DNAAF10: variants seen among roughly 807,000 people sequenced by gnomAD.
The protein encoded by DNAAF10 is dynein axonemal assembly factor 10.
A neutral mutation model predicts 43.7 loss-of-function variants in DNAAF10; 28 were observed. That is an observed-to-expected ratio of 0.64 (90% CI 0.48 to 0.88). The LOEUF is 0.88. Among genes scored for constraint, DNAAF10 ranks in the 40% least tolerant of loss-of-function variants. The probability of loss-of-function intolerance (pLI) is 0.00; values close to 1 mark genes in which losing one functional copy is unlikely to be tolerated. For missense variants in DNAAF10, 403 were observed against 439.1 expected, an observed-to-expected ratio of 0.92 and a Z score of 0.73; for synonymous variants, 156 against 157.3, an observed-to-expected ratio of 0.99 and a Z score of 0.06.
At chr2:68,134,860 C>A in intron 6 of DNAAF10, 61 bp from the exon 7 acceptor site, 1 of 1,574,952 alleles carries the variant, frequency 6.3e-7, no homozygotes, top group Non-Finnish European at 8.7e-7. Flanking sequence ...GGAAGAGAAA[C>A]GCTGCAAATA....
intron 1 of DNAAF10, among the ~76,000 whole-genome samples, chr2:68,152,842 T>G (rs1673489824): frequency 6.6e-6 from 1 of 152,212 alleles, no homozygotes; most frequent in African/African-American, 2.4e-5. Context: ...TGGGTGGGTC[T>G]AGTACAGCTT....
intron 7 of DNAAF10, among the ~76,000 whole-genome samples, chr2:68,132,806 T>A (rs985650036): frequency 1.3e-5 from 2 of 152,250 alleles, no homozygotes; most frequent in African/African-American, 2.4e-5. Flanking sequence ...ACTGGACATC[T>A]GTTCTGGTTA....
At chr2:68,152,875 C>G (rs1673490170) in intron 1 of DNAAF10, among the ~76,000 whole-genome samples, 2 of 152,168 alleles carry the variant, frequency 1.3e-5, no homozygotes, top group African/African-American at 4.8e-5. Flanking sequence ...TCCTCCACAT[C>G]CTGGCAATAC....
At chr2:68,153,175 G>A (rs1053167021) in intron 1 of DNAAF10, among the ~76,000 whole-genome samples, 3 of 151,918 alleles carry the variant, frequency 2.0e-5, no homozygotes, top group African/African-American at 4.8e-5. Flanking sequence ...CCTTTGTGTG[G>A]TGCAAAAAAC....
At chr2:68,156,821 G>T (rs889195718) in intron 1 of DNAAF10, 1 of 188,310 alleles carries the variant, frequency 5.3e-6, no homozygotes, top group African/African-American at 2.4e-5. Flanking sequence ...GTGTTCCTTT[G>T]TGTGAGACAA....
chr2:68,130,330 C>G lies in DNAAF10; in HGVS notation c.*908G>C, dbSNP rs1203645458. The G allele has an allele frequency of 6.6e-6, 1 of 151,628 alleles. No individual in the cohort carries two copies. The highest frequency in any genetic ancestry group is 1.5e-5 in the Non-Finnish European group (1 of 67,934). The allele number at this position is 151,628 out of a possible 1,614,324, so 9.4% of individuals were successfully genotyped here. A position where few individuals can be genotyped will look rare whatever the true frequency, so the allele number is the denominator to read the frequency against. On this transcript the variant is annotated 3_prime_UTR_variant, in exon 8 of 8. Coordinates refer to ENST00000295121, the MANE Select transcript of DNAAF10 (RefSeq NM_138458.4). ...TATTTTTAGTAGAGACGGGTTTTGA[C>G]CATGTTGGCCAGGCTGGTCTCGAAT...
chr2:68,141,702 A>G lies in DNAAF10; in HGVS notation c.509T>C (p.Val170Ala). Reference sequence around the variant, plus strand: ...ATTCTTCAATAATTTACCAAATGCCACAGTCCAACAGTCTCTCTTGTTTTC... The same window carrying G: ...ATTCTTCAATAATTTACCAAATGCCGCAGTCCAACAGTCTCTCTTGTTTTC... Reference protein sequence around the residue: ...QGENKRDCWTVAFGNAYNQEE... With the variant: ...QGENKRDCWTAAFGNAYNQEE... The change falls in exon 4 of 8, where the codon GTG becomes GCG. Residue 170 changes from valine (V) to alanine (A), a missense_variant. Val to Ala is a moderately conservative substitution (Grantham distance 64, BLOSUM62 0). Coordinates refer to ENST00000295121, the MANE Select transcript of DNAAF10 (RefSeq NM_138458.4). 6.2e-7 allele frequency: 1 copy of G among 1,611,534 alleles called. No individual in the cohort carries two copies. The highest frequency in any genetic ancestry group is 8.5e-7 in the Non-Finnish European group (1 of 1,179,226).
At position 68,157,367 on chromosome 2, in the gene DNAAF10, CA is replaced by C. The variant is rs1485482412; in HGVS notation, c.76del (p.Trp26GlyfsTer9). The C allele has an allele frequency of 6.2e-7, 1 of 1,614,056 alleles. No homozygotes were observed. Reference protein sequence around the residue: ...GFNYTVFDCKWVPCSAKFVTM... With the variant: ...GFNYTVFDCKXVPCSAKFVTM... Reference sequence around the variant, plus strand: ...CACAAATTTGGCGCTGCAGGGCACCCACTTACAGTCAAACACCGTGTAGTTG... The same window carrying C: ...CACAAATTTGGCGCTGCAGGGCACCCCTTACAGTCAAACACCGTGTAGTTG... On this transcript the variant is annotated frameshift_variant, in exon 1 of 8. Transcript: ENST00000295121. LOFTEE classifies it high-confidence loss of function.
chr2:68,141,722 G>A lies in DNAAF10; in HGVS notation c.489C>T (p.Asn163=), dbSNP rs1486057147. ...VANMEPVQGE[N]KRDCWTVAFG... ...ATGCCACAGTCCAACAGTCTCTCTT[G>A]TTTTCTCCTTGTACAGGTTCCATAT... is the stretch of plus-strand genomic sequence containing the variant. The change falls in exon 4 of 8, where the codon AAC becomes AAT. Residue 163 remains asparagine, a synonymous_variant. Coordinates refer to ENST00000295121, the MANE Select transcript of DNAAF10 (RefSeq NM_138458.4). 2.5e-6 allele frequency: 4 copies of A among 1,613,920 alleles called. No individual in the cohort carries two copies. The highest frequency in any genetic ancestry group is 3.4e-6 in the Non-Finnish European group (4 of 1,179,992).
In DNAAF10 at chr2:68,155,761, G is replaced by A. The variant is rs148709631; in HGVS notation, c.183+1500C>T. ...GAAATTTTACTTTGTGTAGAAATCA[G>A]GAAGGGCATCATACATTAGATAATC... On this transcript the variant is annotated intron_variant, in intron 1 of 7. Coordinates refer to ENST00000295121, the MANE Select transcript of DNAAF10 (RefSeq NM_138458.4). Among the ~76,000 whole-genome samples the A allele has an allele frequency of 1.3e-3, 204 of 151,950 alleles. 3 individuals are homozygous for A. Among genetic ancestry groups the A allele is most frequent in the African/African-American group, 4.5e-3 (186 of 41,438 alleles).
intron 6 of DNAAF10, among the ~76,000 whole-genome samples, chr2:68,136,719 T>A (rs1053783163): frequency 6.6e-6 from 1 of 152,226 alleles, no homozygotes; most frequent in Admixed American, 6.5e-5. Flanking sequence ...ATCTTTTTTT[T>A]AAACCAGTAT....
chr2:68,137,412 T>A lies in DNAAF10; in HGVS notation c.655A>T (p.Arg219Ter). Residue 219 changes from arginine to a stop codon, truncating the protein, a stop_gained, in exon 6 of 8, where the codon AGA becomes TGA. Coordinates refer to ENST00000295121, the MANE Select transcript of DNAAF10 (RefSeq NM_138458.4). LOFTEE classifies it high-confidence loss of function. The stretch of plus-strand genomic sequence containing the variant: ...AACTTATTCATACTTATGTCTTTTC[T>A]GTCAAACTCCAAGCTACACACCTGA... ...KNGVCSLEFD[R>*]KDISMNKLVA... 1 of 1,612,534 alleles carries A rather than the reference T, an allele frequency of 6.2e-7. No homozygotes were observed. Among genetic ancestry groups the A allele is most frequent in the Non-Finnish European group, 8.5e-7 (1 of 1,179,252 alleles).
At chr2:68,144,837 G>GCTT in intron 2 of DNAAF10, 122 bp from the exon 3 acceptor site, 1 of 1,293,160 alleles carries the variant, frequency 7.7e-7, no homozygotes, top group South Asian at 1.6e-5. Context: ...TTGCTATGAA[G>GCTT]ATAGTTTATA....
intron 6 of DNAAF10, 52 bp from the exon 7 acceptor site, chr2:68,134,851 G>A: frequency 6.3e-7 from 1 of 1,589,858 alleles, no homozygotes; most frequent in Non-Finnish European, 8.6e-7. Context: ...TGGTGCCCTG[G>A]AAGAGAAACG....
At chr2:68,150,151 CCTACAGT>C (rs963047165) in intron 1 of DNAAF10, among the ~76,000 whole-genome samples, 16 of 152,088 alleles carry the variant, frequency 1.1e-4, no homozygotes, top group Non-Finnish European at 1.9e-4. Flanking sequence ...TCTTTGGTTC[CCTACAGT>C]CTTCTAAAAT....
In DNAAF10 at chr2:68,144,574, C is replaced by T. The variant is rs185444795; in HGVS notation, c.415+11G>A. 170 of 1,613,302 alleles carry T rather than the reference C, an allele frequency of 1.1e-4. 1 individual carries two copies. In the East Asian group the frequency reaches 3.5e-3, roughly 33 times the overall value. On this transcript the variant is annotated intron_variant, in intron 3 of 7. Transcript: ENST00000295121. Reference sequence around the variant, plus strand: ...ATAAATAAACAAAATACATAGAATACAGGGACTCACCATCTCGGCTGCCAG... The same window carrying T: ...ATAAATAAACAAAATACATAGAATATAGGGACTCACCATCTCGGCTGCCAG...
intron 1 of DNAAF10, 85 bp from the exon 2 acceptor site, chr2:68,147,652 A>T (rs1673352234): frequency 1.1e-5 from 10 of 952,314 alleles, no homozygotes; most frequent in Non-Finnish European, 1.4e-5. Context: ...TGGCTCTATT[A>T]TGGCATTTAA....
chr2:68,144,807 T>C (rs968043214), intron 2 of DNAAF10, 92 bp from the exon 3 acceptor site: 1 of 1,451,326 alleles, frequency 6.9e-7, no homozygotes, highest in South Asian at 1.5e-5. Flanking sequence ...TTAGATTTTT[T>C]CTGTATAGAA....
chr2:68,144,226 C>T lies in DNAAF10; in HGVS notation c.415+359G>A, dbSNP rs1673258890. ...CAATTTTCACAAGTACTAATTCTGC[C>T]TTTTAAAAAAAGAAAATGAAAAGCT... On this transcript the variant is annotated intron_variant, in intron 3 of 7. Coordinates refer to ENST00000295121, the MANE Select transcript of DNAAF10 (RefSeq NM_138458.4). Among the ~76,000 whole-genome samples the T allele has an allele frequency of 2.0e-5, 3 of 152,122 alleles. No homozygotes were observed. The South Asian group carries it at 6.2e-4, about 31-fold the overall frequency.
Sources: allele counts gnomAD v4.1 joint callset (sites outside exome capture counted in the v4.1 genomes callset), GRCh38; gene constraint gnomAD v4.1.1; transcripts MANE v1.5; gene names NCBI Gene and HGNC (gene_info 2026-07-23, HGNC 2026-07-21).